The following TENM2 variants were observed in gnomAD, a reference collection of about 807,000 sequenced individuals.
TENM2 encodes the protein teneurin-2.
TENM2 carries 52 observed loss-of-function variants against 245.2 expected under a neutral mutation model. The ratio of observed to expected loss-of-function variants is 0.21; its 90% confidence interval spans 0.17 to 0.27. The LOEUF (loss-of-function observed/expected upper bound fraction) is 0.27. Among genes scored for constraint, TENM2 ranks in the 10% least tolerant of loss-of-function variants. TENM2 has a pLI of 1.00. For synonymous variants in TENM2, 1,363 were observed against 1,438.9 expected, an observed-to-expected ratio of 0.95 and a Z score of 1.19; for missense variants, 3,046 against 3,666.8, an observed-to-expected ratio of 0.83 and a Z score of 4.37.
At chr5:167,469,215 G>A (rs1159577577) in intron 2 of TENM2, among the ~76,000 whole-genome samples, 1 of 152,086 alleles carries the variant, frequency 6.6e-6, no homozygotes, top group African/African-American at 2.4e-5. Context: ...TCCTAACGCT[G>A]CATCAAAATG....
At chr5:167,918,006 A>C (rs925180567) in intron 3 of TENM2, among the ~76,000 whole-genome samples, 6 of 152,200 alleles carry the variant, frequency 3.9e-5, no homozygotes, top group African/African-American at 1.4e-4. Context: ...TATAAAAGAC[A>C]ACAATAACAA....
intron 5 of TENM2, among the ~76,000 whole-genome samples, chr5:168,039,958 T>C (rs941453850): frequency 7.2e-5 from 11 of 152,156 alleles, no homozygotes; most frequent in Admixed American, 2.6e-4. Context: ...GAGCCCCATT[T>C]GTTTTCTGCA....
intron 5 of TENM2, among the ~76,000 whole-genome samples, chr5:168,019,390 C>G (rs1284881717): frequency 6.6e-6 from 1 of 152,078 alleles, no homozygotes; most frequent in Non-Finnish European, 1.5e-5. Context: ...GCCAAGGAGG[C>G]CATTCCAAAG....
chr5:168,122,861 C>T (rs1795567808), intron 10 of TENM2, among the ~76,000 whole-genome samples: 1 of 152,148 alleles, frequency 6.6e-6, no homozygotes, highest in South Asian at 2.1e-4. Flanking sequence ...CAAGGGAGGG[C>T]TGCCCTTTGG....
At chr5:168,205,641 C>T (rs1429762239) in intron 19 of TENM2, among the ~76,000 whole-genome samples, 1 of 152,108 alleles carries the variant, frequency 6.6e-6, no homozygotes, top group Non-Finnish European at 1.5e-5. Flanking sequence ...TTCAAAAGCC[C>T]TATACCAGCC....
intron 1 of TENM2, among the ~76,000 whole-genome samples, chr5:167,330,801 G>T (rs946444219): frequency 6.6e-6 from 1 of 152,070 alleles, no homozygotes; most frequent in Non-Finnish European, 1.5e-5. Flanking sequence ...CTCACTTAAC[G>T]TTCTTATGTT....
the TENM2 span, among the ~76,000 whole-genome samples, chr5:167,114,728 TC>T: frequency 1.3e-5 from 2 of 152,244 alleles, no homozygotes; most frequent in Non-Finnish European, 2.9e-5. Context: ...ACTGAGTAAG[TC>T]ATGTTAATGG....
chr5:168,090,897 T>C, intron 8 of TENM2, 128 bp downstream of exon 10: 1 of 770,982 alleles, frequency 1.3e-6, no homozygotes, highest in Non-Finnish European at 2.1e-6. Flanking sequence ...ATCCTTTGTT[T>C]AGGCCTTATA....
At chr5:167,576,413 C>A (rs1243441778) in intron 2 of TENM2, among the ~76,000 whole-genome samples, 1 of 151,590 alleles carries the variant, frequency 6.6e-6, no homozygotes, top group African/African-American at 2.4e-5. Flanking sequence ...CCAAACTCTG[C>A]TGATAGCATT....
chr5:167,583,094 T>C (rs1775209744), intron 2 of TENM2, among the ~76,000 whole-genome samples: 2 of 152,324 alleles, frequency 1.3e-5, no homozygotes, highest in South Asian at 4.1e-4. Context: ...AATGTAGCCA[T>C]GAACTATTTG....
chr5:167,992,847 T>G (rs1373118643), intron 4 of TENM2, 97 bp from the exon 7 acceptor site: 2 of 870,996 alleles, frequency 2.3e-6, no homozygotes, highest in African/African-American at 3.3e-5. Flanking sequence ...TAACTAGGAT[T>G]ATGCTAGGAC....
intron 4 of TENM2, among the ~76,000 whole-genome samples, chr5:167,973,708 A>C (rs1053967069): frequency 3.9e-5 from 6 of 152,072 alleles, no homozygotes; most frequent in African/African-American, 1.4e-4. Flanking sequence ...AGGTGAGAGA[A>C]TAGGAAAAGG....
intron 3 of TENM2, among the ~76,000 whole-genome samples, chr5:167,885,318 G>A (rs1285775853): frequency 6.6e-6 from 1 of 152,104 alleles, no homozygotes; most frequent in Non-Finnish European, 1.5e-5. Context: ...AACAAATACT[G>A]TTAAAGGCTT....
intron 2 of TENM2, among the ~76,000 whole-genome samples, chr5:167,678,822 C>A (rs1307528123): frequency 6.6e-6 from 1 of 152,028 alleles, no homozygotes; most frequent in African/African-American, 2.4e-5. Flanking sequence ...CTAGCTCCAG[C>A]CTAAATGTTG....
chr5:167,868,821 C>T (rs1188250122), intron 2 of TENM2, among the ~76,000 whole-genome samples: 1 of 152,072 alleles, frequency 6.6e-6, no homozygotes, highest in Non-Finnish European at 1.5e-5. Context: ...ACTACAGTCT[C>T]CCTACCTATG....
At chr5:168,231,934 G>A (rs1447568228) in intron 25 of TENM2, among the ~76,000 whole-genome samples, 2 of 152,068 alleles carry the variant, frequency 1.3e-5, no homozygotes, top group Non-Finnish European at 2.9e-5. Context: ...TGTCATGGTG[G>A]CACATGCCTG....
At chr5:168,046,081 C>T (rs1788581203) in intron 5 of TENM2, among the ~76,000 whole-genome samples, 1 of 152,062 alleles carries the variant, frequency 6.6e-6, no homozygotes, top group South Asian at 2.1e-4. Context: ...CAGACACACC[C>T]ACACACACAC....
At chr5:167,887,666 T>C (rs1028877259) in intron 3 of TENM2, among the ~76,000 whole-genome samples, 2 of 152,242 alleles carry the variant, frequency 1.3e-5, no homozygotes, top group South Asian at 2.1e-4. Context: ...TGATGTTGCC[T>C]TGGAAATAGT....
At chr5:167,340,886 AT>A (rs1012259660) in intron 1 of TENM2, among the ~76,000 whole-genome samples, 1 of 151,502 alleles carries the variant, frequency 6.6e-6, no homozygotes, top group Non-Finnish European at 1.5e-5. Context: ...GGGGTTTATT[AT>A]TTTTTTTTGT....
Sources: gnomAD v4.1 joint callset for allele counts (sites outside exome capture counted in the v4.1 genomes callset) on GRCh38, gnomAD v4.1.1 for gene constraint, MANE v1.5 for transcripts, NCBI Gene and HGNC (gene_info 2026-07-23, HGNC 2026-07-21) for gene names.